The following LMNA variants were observed in gnomAD, a reference collection of about 807,000 sequenced individuals.
LMNA encodes the protein lamin.
Under a neutral mutation model 70.4 loss-of-function variants are expected in LMNA, and 20 were observed. The observed-to-expected ratio is 0.28, with a 90% CI of 0.20 to 0.41. The LOEUF (loss-of-function observed/expected upper bound fraction) is 0.41. Among genes scored for constraint, LMNA ranks in the 10% least tolerant of loss-of-function variants. The pLI, the probability that LMNA is intolerant of heterozygous loss-of-function variation, is 1.00. For synonymous variants in LMNA, 339 were observed against 372.8 expected, an observed-to-expected ratio of 0.91 and a Z score of 1.04; for missense variants, 652 against 917.2, an observed-to-expected ratio of 0.71 and a Z score of 3.73.
chr1:156,132,903 G>A (rs111340905), intron 2 of LMNA, among the ~76,000 whole-genome samples: 15,480 of 142,416 alleles, frequency 0.11, 1,556 homozygotes, highest in African/African-American at 0.27. Context: ...GCAATGGCAC[G>A]ATCTCAGCTC....
chr1:156,136,469 G>A lies in LMNA; in HGVS notation c.1380+33G>A, dbSNP rs1651649986. The A allele has an allele frequency of 6.5e-7, 1 of 1,536,312 alleles. No homozygotes were observed. Among genetic ancestry groups the A allele is most frequent in the Non-Finnish European group, 8.8e-7 (1 of 1,135,458 alleles). The stretch of plus-strand genomic sequence containing the variant: ...CCTGCTCAGGGTCTAAGGGGATACA[G>A]CTGCATCAGGGAGAGAGTGGCAAGA... On this transcript the variant is annotated intron_variant, in intron 7 of 11. Coordinates refer to ENST00000368300, the MANE Select transcript of LMNA (RefSeq NM_170707.4). The surrounding 1 kb of genome is among the most constrained non-coding windows in gnomAD (Gnocchi z 6.1).
chr1:156,083,627 A>C (rs947665500), intron 2 of LMNA: 1 of 152,222 alleles, frequency 6.6e-6, no homozygotes, highest in Non-Finnish European at 1.5e-5. Flanking sequence ...ACAAGGTGAA[A>C]CCTCGTCTCT....
chr1:156,088,289 T>C (rs2102787008), intron 2 of LMNA, among the ~76,000 whole-genome samples: 1 of 152,348 alleles, frequency 6.6e-6, no homozygotes, highest in South Asian at 2.1e-4. Flanking sequence ...ACTCAACACA[T>C]TAATTAATTT....
Position 156,134,266 on chromosome 1 carries a change from G to C in LMNA, c.514-137G>C. ...GTGAGTAGATGTCCTGACCCCTGCA[G>C]GCATCCAAGGCCCTCCTTCCCTGGA... On this transcript the variant is annotated intron_variant, in intron 2 of 11. Transcript: ENST00000368300. The surrounding 1 kb of genome is among the most constrained non-coding windows in gnomAD (Gnocchi z 5.3). 5.6e-6 allele frequency: 5 copies of C among 886,048 alleles called. No homozygotes were observed. In the Admixed American group the frequency reaches 1.0e-4, roughly 18 times the overall value. 54.9% of individuals were successfully genotyped at this position (886,048 alleles called of 1,614,324 possible).
chr1:156,134,045 C>G lies in LMNA; in HGVS notation c.514-358C>G, dbSNP rs1452222137. ...ATATCTTTTCTTTTTGAGACAGAGT[C>G]TAGCTGTGTCACCCAGGCTGGAGTG... On this transcript the variant is annotated intron_variant, in intron 2 of 11. Coordinates refer to ENST00000368300, the MANE Select transcript of LMNA (RefSeq NM_170707.4). The surrounding 1 kb of genome is among the most constrained non-coding windows in gnomAD (Gnocchi z 5.3). 6.6e-6 allele frequency among the ~76,000 whole-genome samples: 1 copy of G among 152,106 alleles called. No homozygotes were observed. Among genetic ancestry groups the G allele is most frequent in the Non-Finnish European group, 1.5e-5 (1 of 68,026 alleles).
intron 1 of LMNA, among the ~76,000 whole-genome samples, chr1:156,118,855 C>G (rs1319177546): frequency 3.9e-5 from 6 of 152,174 alleles, no homozygotes; most frequent in African/African-American, 1.2e-4. Context: ...TTTGACCCAG[C>G]CTGGGTACCT....
chr1:156,091,385 C>T (rs2102789957), intron 3 of LMNA, among the ~76,000 whole-genome samples: 1 of 152,280 alleles, frequency 6.6e-6, no homozygotes, highest in South Asian at 2.1e-4. Context: ...GGCAGATCAC[C>T]TGAGGTGGGG....
intron 11 of LMNA, 30 bp from the exon 12 acceptor site, chr1:156,139,050 C>G: frequency 6.2e-7 from 1 of 1,613,094 alleles, no homozygotes; most frequent in Middle Eastern, 1.7e-4. Context: ...CCCTGCTGCT[C>G]ACACCTCTCT....
At chr1:156,108,099 T>C (rs1372671423) in intron 3 of LMNA, among the ~76,000 whole-genome samples, 2 of 152,152 alleles carry the variant, frequency 1.3e-5, no homozygotes, top group Non-Finnish European at 1.5e-5. Context: ...AAAATGCAGA[T>C]AATAATACCT....
intron 3 of LMNA, among the ~76,000 whole-genome samples, chr1:156,107,498 CA>C (rs1649393673): frequency 6.6e-6 from 1 of 152,216 alleles, no homozygotes; most frequent in African/African-American, 2.4e-5. Flanking sequence ...CCTCAGAGCC[CA>C]GGGGCCTCCT....
At chr1:156,124,306 T>G (rs911121564) in intron 1 of LMNA, among the ~76,000 whole-genome samples, 2 of 151,954 alleles carry the variant, frequency 1.3e-5, no homozygotes, top group Non-Finnish European at 2.9e-5. Context: ...TCTTTTTTTT[T>G]GAGATGGAGT....
rs79967459 is a variant in LMNA, at chr1:156,106,453, C to T, written c.-206-8260C>T. On this transcript the variant is annotated intron_variant, in intron 3 of 12. Transcript: ENST00000368301. Reference sequence around the variant, plus strand: ...CCACACACACACAGAGACACACAGACTCACACGCGGCCGCCCACACGCAGT... The same window carrying T: ...CCACACACACACAGAGACACACAGATTCACACGCGGCCGCCCACACGCAGT... 5.0e-3 allele frequency among the ~76,000 whole-genome samples: 755 copies of T among 152,370 alleles called. 10 individuals are homozygous for T. The East Asian group carries it at 0.062, about 13-fold the overall frequency.
At chr1:156,130,823 A>G in intron 2 of LMNA, 50 bp downstream of exon 2, 1 of 1,530,216 alleles carries the variant, frequency 6.5e-7, no homozygotes, top group South Asian at 1.2e-5. Context: ...ACACATGTAC[A>G]CTCACTCTTC....
intron 2 of LMNA, among the ~76,000 whole-genome samples, chr1:156,086,026 G>C (rs1190585764): frequency 6.6e-6 from 1 of 152,196 alleles, no homozygotes; most frequent in African/African-American, 2.4e-5. Context: ...ACTCCAGCCT[G>C]GGCAACAGAG....
At chr1:156,132,043 C>T (rs1419552873) in intron 2 of LMNA, among the ~76,000 whole-genome samples, 1 of 152,102 alleles carries the variant, frequency 6.6e-6, no homozygotes, top group Non-Finnish European at 1.5e-5. Flanking sequence ...GTGGCACACA[C>T]CTGTAGTCCC....
rs567233339 is a variant in LMNA at position 156,085,540 on chromosome 1, C to T, written c.-319+2356C>T. 2.8e-4 allele frequency among the ~76,000 whole-genome samples: 42 copies of T among 152,320 alleles called. No individual in the cohort carries two copies. In the South Asian group the frequency reaches 5.8e-3, roughly 21 times the overall value. ...TGGAGGACAGCACTATGTCTCTCAT[C>T]TTCATCATGGTCCCCAACCCTAGCT... On this transcript the variant is annotated intron_variant, in intron 2 of 12. Coordinates refer to the LMNA transcript ENST00000368301.
At chr1:156,130,555 C>T (rs1650960457) in intron 1 of LMNA, 62 bp from the exon 2 acceptor site, 1 of 1,568,104 alleles carries the variant, frequency 6.4e-7, no homozygotes, top group South Asian at 1.1e-5. Context: ...CTCCTGGGAG[C>T]CTGGCACTGT....
At chr1:156,129,199 G>T (rs1034003756) in intron 1 of LMNA, among the ~76,000 whole-genome samples, 1 of 152,228 alleles carries the variant, frequency 6.6e-6, no homozygotes, top group Admixed American at 6.5e-5. Context: ...CAGAGGCCTG[G>T]ACTGAGCAAG....
In LMNA at chr1:156,088,292, A is replaced by ATTAAT. The variant is rs1050323504; in HGVS notation, c.-318-2166_-318-2162dup. 2.6e-5 allele frequency among the ~76,000 whole-genome samples: 4 copies of ATTAAT among 152,230 alleles called. No individual in the cohort carries two copies. The South Asian group carries it at 8.3e-4, about 32-fold the overall frequency. The stretch of plus-strand genomic sequence containing the variant: ...TTGATAGAATGCACTCAACACATTA[A>ATTAAT]TTAATTTAATTTAATTTTTTTGTTT... On this transcript the variant is annotated intron_variant, in intron 2 of 12. Transcript: ENST00000368301.
Sources: allele counts gnomAD v4.1 joint callset (sites outside exome capture counted in the v4.1 genomes callset), GRCh38; gene constraint gnomAD v4.1.1; non-coding constraint Gnocchi (gnomAD v3.1); transcripts MANE v1.5; gene names NCBI Gene and HGNC (gene_info 2026-07-23, HGNC 2026-07-21).